Variants in SPAG1 observed in about 807,000 individuals in gnomAD.
The protein encoded by SPAG1 is sperm associated antigen 1.
A neutral mutation model predicts 100.5 loss-of-function variants in SPAG1; 69 were observed. The observed-to-expected ratio is 0.69, with a 90% CI of 0.57 to 0.84. SPAG1 has a LOEUF of 0.84. Among genes scored for constraint, SPAG1 ranks in the 40% least tolerant of loss-of-function variants. The probability of loss-of-function intolerance (pLI) is 0.00; values close to 1 mark genes in which losing one functional copy is unlikely to be tolerated. For synonymous variants in SPAG1, 336 were observed against 411.6 expected (o/e 0.82, Z 2.22); for missense variants, 955 against 1,133.1 (o/e 0.84, Z 2.26).
rs202223968 is a variant in SPAG1 at position 100,240,356 on chromosome 8, G to A, written c.2281-47G>A. On this transcript the variant is annotated intron_variant, in intron 17 of 18. Coordinates refer to ENST00000388798, the MANE Select transcript of SPAG1 (RefSeq NM_003114.5). The stretch of plus-strand genomic sequence containing the variant: ...GACAGACGTACTTAGGATGTATGTG[G>A]TGATTGTGGTTCAGTGTCACAATGC... The A allele has an allele frequency of 1.6e-4, 252 of 1,531,178 alleles. No individual in the cohort carries two copies. In the African/African-American group the frequency reaches 3.0e-3, roughly 18 times the overall value. 94.8% of individuals were successfully genotyped at this position (1,531,178 alleles called of 1,614,324 possible).
At chr8:100,218,613 A>G (rs574720046) in intron 12 of SPAG1, among the ~76,000 whole-genome samples, 1 of 152,356 alleles carries the variant, frequency 6.6e-6, no homozygotes, top group South Asian at 2.1e-4. Context: ...TACTGTTTTA[A>G]AAAACCACTT....
Position 100,197,642 on chromosome 8 carries a change from G to A in SPAG1, c.1096+3374G>A, listed in dbSNP as rs73279063. Among the ~76,000 whole-genome samples the A allele has an allele frequency of 4.3e-3, 655 of 152,228 alleles. 4 individuals carry two copies. The highest frequency in any genetic ancestry group is 0.015 in the African/African-American group (612 of 41,530). ...GTGGTTCTCCATCTCATCACATTCC[G>A]GGAAAGAATTCCCAGTCATTATGGG... On this transcript the variant is annotated intron_variant, in intron 10 of 18. Transcript: ENST00000388798.
chr8:100,190,342 T>C (rs1816761774), intron 8 of SPAG1, among the ~76,000 whole-genome samples: 1 of 151,952 alleles, frequency 6.6e-6, no homozygotes, highest in Non-Finnish European at 1.5e-5. Flanking sequence ...TTCTCACTTT[T>C]CAGAATTACC....
At chr8:100,159,840 C>T (rs955114370) in intron 1 of SPAG1, among the ~76,000 whole-genome samples, 1 of 152,212 alleles carries the variant, frequency 6.6e-6, no homozygotes, top group Admixed American at 6.5e-5. Context: ...TATGTGGGCT[C>T]TGTAGTTAGC....
At chr8:100,165,400 T>C in intron 2 of SPAG1, 1 of 468,430 alleles carries the variant, frequency 2.1e-6, no homozygotes. Context: ...GTGAAAGGTG[T>C]ACTTTCAGGA....
At chr8:100,240,266 T>C (rs567297099) in intron 17 of SPAG1, 137 bp from the exon 18 acceptor site, 28 of 739,458 alleles carry the variant, frequency 3.8e-5, no homozygotes, top group Non-Finnish European at 5.3e-5. Context: ...AAAAAAATTA[T>C]TACAAAGTTT....
chr8:100,200,582 A>G (rs569108348), intron 10 of SPAG1, among the ~76,000 whole-genome samples: 30 of 152,296 alleles, frequency 2.0e-4, no homozygotes, highest in African/African-American at 7.0e-4. Context: ...AAGCGTTTCT[A>G]TTTCTCCACA....
chr8:100,172,522 A>G (rs1374226548), intron 3 of SPAG1, among the ~76,000 whole-genome samples: 1 of 152,072 alleles, frequency 6.6e-6, no homozygotes, highest in Admixed American at 6.5e-5. Flanking sequence ...TAGGAGGCTG[A>G]GGCATGAGAA....
chr8:100,233,425 T>A lies in SPAG1; in HGVS notation c.2003T>A (p.Leu668Ter), dbSNP rs755380928. The A allele has an allele frequency of 6.2e-7, 1 of 1,614,036 alleles. No individual in the cohort carries two copies. Among genetic ancestry groups the A allele is most frequent in the Non-Finnish European group, 8.5e-7 (1 of 1,179,918 alleles). The change falls in exon 16 of 19, where the codon TTG becomes TAG. Residue 668 changes from leucine (L) to a stop codon, truncating the protein, a stop_gained. Transcript: ENST00000388798. LOFTEE classifies it high-confidence loss of function. ...CATTATGCCAGAGCTCTCTGTTACTTGAAGCTGTGCCAGTTTGAAGAAGCA... is the reference window on the plus strand; with the variant it reads ...CATTATGCCAGAGCTCTCTGTTACTAGAAGCTGTGCCAGTTTGAAGAAGCA... Reference protein sequence around the residue: ...AIYTNRALCYLKLCQFEEAKQ... With the variant: ...AIYTNRALCY
rs762395970 is a variant in SPAG1, at chr8:100,240,915, G to C, written c.2674G>C (p.Gly892Arg). ...GATGATGTTGACACTAATTAGCAAG[G>C]GCCAAAAGGAGCTAATTGAACAGCT... ...FKMMLTLISK[G>R]QKELIEQLFE... is the part of the protein sequence containing the mutation. The change falls in exon 19 of 19, where the codon GGC becomes CGC. Residue 892 changes from glycine to arginine, a missense_variant. Coordinates refer to ENST00000388798, the MANE Select transcript of SPAG1 (RefSeq NM_003114.5). 79 of 1,609,962 alleles carry C rather than the reference G, an allele frequency of 4.9e-5. No individual in the cohort carries two copies. Among genetic ancestry groups the C allele is most frequent in the Non-Finnish European group, 6.6e-5 (78 of 1,178,720 alleles).
chr8:100,164,890 A>T (rs1233397812), intron 2 of SPAG1, among the ~76,000 whole-genome samples: 3 of 152,242 alleles, frequency 2.0e-5, no homozygotes, highest in Non-Finnish European at 4.4e-5. Flanking sequence ...TCAGACAAAT[A>T]TGTAAGATTC....
intron 9 of SPAG1, among the ~76,000 whole-genome samples, chr8:100,191,888 C>A (rs1816832523): frequency 6.6e-6 from 1 of 152,092 alleles, no homozygotes; most frequent in Non-Finnish European, 1.5e-5. Flanking sequence ...CCTGACTGAG[C>A]AGACTGACTC....
intron 10 of SPAG1, among the ~76,000 whole-genome samples, chr8:100,209,473 A>AT (rs1048777066): frequency 1.6e-4 from 24 of 149,184 alleles, no homozygotes; most frequent in African/African-American, 5.9e-4. Context: ...ATTTTGCTCT[A>AT]TTTTTTCAGG....
chr8:100,173,841 G>C lies in SPAG1; in HGVS notation c.301-3975G>C, dbSNP rs535393263. On this transcript the variant is annotated intron_variant, in intron 3 of 18. Coordinates refer to ENST00000388798, the MANE Select transcript of SPAG1 (RefSeq NM_003114.5). Reference sequence around the variant, plus strand: ...GGGAAATCTTGCTGAAAAGAATGATGAATAAGGTATTGCAAGATAAATAAA... The same window carrying C: ...GGGAAATCTTGCTGAAAAGAATGATCAATAAGGTATTGCAAGATAAATAAA... 9.9e-5 allele frequency among the ~76,000 whole-genome samples: 15 copies of C among 152,230 alleles called. No homozygotes were observed. In the South Asian group the frequency reaches 2.9e-3, roughly 29 times the overall value.
Position 100,239,666 on chromosome 8 carries a change from C to T in SPAG1, c.2280+262C>T, listed in dbSNP as rs1002434266. 6.6e-6 allele frequency among the ~76,000 whole-genome samples: 1 copy of T among 152,214 alleles called. No homozygotes were observed. The highest frequency in any genetic ancestry group is 1.5e-5 in the Non-Finnish European group (1 of 68,032). On this transcript the variant is annotated intron_variant, in intron 17 of 18. Coordinates refer to ENST00000388798, the MANE Select transcript of SPAG1 (RefSeq NM_003114.5). The surrounding 1 kb of genome is among the most constrained non-coding windows in gnomAD (Gnocchi z 5.0). ...TTCTTTGGCCTCCATCTGTACTGCT[C>T]CCACTCCAGAGTACACTGGGAACCA...
intron 16 of SPAG1, among the ~76,000 whole-genome samples, chr8:100,233,981 T>A (rs951607639): frequency 1.3e-5 from 2 of 152,164 alleles, no homozygotes; most frequent in Non-Finnish European, 2.9e-5. Context: ...AAGCTTATAG[T>A]GATCTGGGCC....
In SPAG1 at chr8:100,202,463, C is replaced by A. The variant is rs567678202; in HGVS notation, c.1096+8195C>A. 4.0e-3 allele frequency among the ~76,000 whole-genome samples: 608 copies of A among 151,872 alleles called. 4 individuals carry two copies. The highest frequency in any genetic ancestry group is 0.014 in the African/African-American group (564 of 41,468). ...CGGTGGCTCATGCCTGTAATCCCAG[C>A]ACTTTGGGAGGCCGAGGCGGGCGGA... On this transcript the variant is annotated intron_variant, in intron 10 of 18. Transcript: ENST00000388798.
At chr8:100,160,137 T>C (rs1806047612) in intron 1 of SPAG1, among the ~76,000 whole-genome samples, 1 of 152,230 alleles carries the variant, frequency 6.6e-6, no homozygotes, top group African/African-American at 2.4e-5. Flanking sequence ...TCATTAGCAT[T>C]AGCAGCAGTA....
At chr8:100,197,590 A>G (rs1817087724) in intron 10 of SPAG1, among the ~76,000 whole-genome samples, 1 of 152,196 alleles carries the variant, frequency 6.6e-6, no homozygotes, top group Non-Finnish European at 1.5e-5. Flanking sequence ...AGCCCAGAGG[A>G]AAGTTATCAA....
Sources: allele counts gnomAD v4.1 joint callset (sites outside exome capture counted in the v4.1 genomes callset), GRCh38; gene constraint gnomAD v4.1.1; non-coding constraint Gnocchi (gnomAD v3.1); transcripts MANE v1.5; gene names NCBI Gene and HGNC (gene_info 2026-07-23, HGNC 2026-07-21).